NTN4: variants seen among roughly 807,000 people sequenced by gnomAD.
NTN4 encodes netrin 4.
Under a neutral mutation model 73.6 loss-of-function variants are expected in NTN4, and 32 were observed. The observed-to-expected ratio is 0.44, with a 90% CI of 0.33 to 0.58. The LOEUF (loss-of-function observed/expected upper bound fraction) is 0.58, where lower values mean the gene tolerates loss of function less well. Among genes scored for constraint, NTN4 ranks in the 20% least tolerant of loss-of-function variants. The probability of loss-of-function intolerance (pLI) is 0.04; values close to 1 mark genes in which losing one functional copy is unlikely to be tolerated. For synonymous variants in NTN4, 258 were observed against 287.5 expected, an observed-to-expected ratio of 0.90 and a Z score of 1.04; for missense variants, 654 against 798.3, an observed-to-expected ratio of 0.82 and a Z score of 2.18.
At chr12:95,769,502 T>C (rs11829779) in intron 2 of NTN4, among the ~76,000 whole-genome samples, 51,362 of 146,632 alleles carry the variant, frequency 0.35, 9,306 homozygotes, top group East Asian at 0.59. Flanking sequence ...GAATCACAGC[T>C]GATTCAGAGA....
intron 3 of NTN4, among the ~76,000 whole-genome samples, chr12:95,721,413 T>C (rs1021472618): frequency 1.3e-5 from 2 of 152,210 alleles, no homozygotes; most frequent in Admixed American, 6.5e-5. Context: ...GAATACTTTT[T>C]GATCTTCACT....
intron 4 of NTN4, among the ~76,000 whole-genome samples, chr12:95,711,086 A>G (rs569873398): frequency 1.1e-4 from 17 of 152,306 alleles, no homozygotes; most frequent in Admixed American, 7.8e-4. Flanking sequence ...AGCAATATAG[A>G]AAGGTATCCA....
At chr12:95,736,796 G>A (rs2078781139) in intron 3 of NTN4, among the ~76,000 whole-genome samples, 1 of 152,180 alleles carries the variant, frequency 6.6e-6, no homozygotes, top group Non-Finnish European at 1.5e-5. Context: ...TACTGTCCTA[G>A]TCATTTTAGT....
At chr12:95,661,292 C>A (rs2078136163) in intron 9 of NTN4, among the ~76,000 whole-genome samples, 1 of 152,098 alleles carries the variant, frequency 6.6e-6, no homozygotes, top group Non-Finnish European at 1.5e-5. Context: ...AGTTGCCCAG[C>A]TTGGGAGAGA....
In NTN4 at chr12:95,752,221, T is replaced by C. The variant is rs1023335090; in HGVS notation, c.586-14077A>G. Among the ~76,000 whole-genome samples the C allele has an allele frequency of 6.9e-3, 1,040 of 151,602 alleles. 21 individuals are homozygous for C. Among genetic ancestry groups the C allele is most frequent in the African/African-American group, 0.025 (1,013 of 41,234 alleles). ...ACTCGCCTGCTACAGCATGGCCTTTTAAAGCCTATAAACTCTCGTTACAAT... is the reference window on the plus strand; with the variant it reads ...ACTCGCCTGCTACAGCATGGCCTTTCAAAGCCTATAAACTCTCGTTACAAT... On this transcript the variant is annotated intron_variant, in intron 2 of 9. Transcript: ENST00000343702.
In NTN4 at chr12:95,710,622, C is replaced by T. The variant is rs2078558057; in HGVS notation, c.999G>A (p.Lys333=). The T allele has an allele frequency of 1.2e-6, 2 of 1,611,458 alleles. No homozygotes were observed. The highest frequency in any genetic ancestry group is 8.5e-7 in the Non-Finnish European group (1 of 1,178,468). ...GACAGGTATCAGCATGCCCATTACA[C>T]TTGCAGGCTGGAAATAAGAAGCGTG... ...TGAPNECRTC[K]CNGHADTCHF... is the part of the protein sequence containing the mutation. Residue 333 remains lysine, a synonymous_variant, in exon 5 of 10, where the codon AAG becomes AAA. Coordinates refer to ENST00000343702, the MANE Select transcript of NTN4 (RefSeq NM_021229.4).
chr12:95,765,703 T>G (rs2079016744), intron 2 of NTN4, among the ~76,000 whole-genome samples: 2 of 152,226 alleles, frequency 1.3e-5, no homozygotes, highest in African/African-American at 4.8e-5. Flanking sequence ...CCCAAAAGTC[T>G]ACTTCACTAA....
At chr12:95,774,070 T>G (rs2079075056) in intron 2 of NTN4, among the ~76,000 whole-genome samples, 1 of 152,182 alleles carries the variant, frequency 6.6e-6, no homozygotes, top group South Asian at 2.1e-4. Context: ...AAGCAGTAAC[T>G]TTATTATGCA....
intron 2 of NTN4, among the ~76,000 whole-genome samples, chr12:95,764,583 T>C (rs113877860): frequency 0.098 from 14,771 of 151,256 alleles, 1,786 homozygotes; most frequent in African/African-American, 0.29. Flanking sequence ...GAGAATTGCT[T>C]GAACCCAGGA....
intron 3 of NTN4, among the ~76,000 whole-genome samples, chr12:95,726,902 G>A (rs1467895689): frequency 2.6e-5 from 4 of 152,064 alleles, no homozygotes; most frequent in African/African-American, 4.8e-5. Flanking sequence ...CCTGGGAGGC[G>A]GGGCTTGCAG....
intron 7 of NTN4, among the ~76,000 whole-genome samples, chr12:95,680,665 T>C (rs12809574): frequency 0.22 from 33,307 of 152,226 alleles, 4,184 homozygotes; most frequent in Non-Finnish European, 0.27. Flanking sequence ...TTTTTTGAGA[T>C]GGATAAACCT....
intron 3 of NTN4, among the ~76,000 whole-genome samples, chr12:95,718,559 CT>C (rs1368022120): frequency 2.0e-5 from 3 of 152,172 alleles, no homozygotes; most frequent in East Asian, 3.9e-4. Context: ...ACCCAAAATC[CT>C]TTTTGAGCCC....
In NTN4 at chr12:95,732,232, TTCTTTCTCTG is replaced by T. The variant is rs535934786; in HGVS notation, c.864+5624_864+5633del. Reference sequence around the variant, plus strand: ...CTTTTCTCTCCCTTTCTCTCTTTCTTTCTTTCTCTGTCTTTCTTTCTTTCTCTCCTTTCTT... The same window carrying T: ...CTTTTCTCTCCCTTTCTCTCTTTCTTTCTTTCTTTCTTTCTCTCCTTTCTT... On this transcript the variant is annotated intron_variant, in intron 3 of 9. Coordinates refer to ENST00000343702, the MANE Select transcript of NTN4 (RefSeq NM_021229.4). Among the ~76,000 whole-genome samples the T allele has an allele frequency of 4.0e-4, 55 of 137,722 alleles. 1 individual carries two copies. In the South Asian group the frequency reaches 7.1e-3, roughly 18 times the overall value. 90.4% of individuals were successfully genotyped at this position (137,722 alleles called of 152,430 possible).
At chr12:95,768,548 G>A (rs1433416989) in intron 2 of NTN4, among the ~76,000 whole-genome samples, 11 of 152,016 alleles carry the variant, frequency 7.2e-5, no homozygotes, top group Non-Finnish European at 1.6e-4. Flanking sequence ...CAGGAGGCAG[G>A]GATGAGACAA....
intron 2 of NTN4, among the ~76,000 whole-genome samples, chr12:95,785,047 C>A (rs917961245): frequency 3.9e-5 from 6 of 152,132 alleles, no homozygotes; most frequent in Non-Finnish European, 7.3e-5. Flanking sequence ...AATGAGCATG[C>A]CTGCCATCTG....
At chr12:95,660,959 A>T (rs1417538840) in intron 9 of NTN4, among the ~76,000 whole-genome samples, 2 of 152,210 alleles carry the variant, frequency 1.3e-5, no homozygotes, top group Non-Finnish European at 2.9e-5. Flanking sequence ...TTATTGTATT[A>T]AAAAACAAGA....
intron 2 of NTN4, among the ~76,000 whole-genome samples, chr12:95,761,887 A>G (rs1167123283): frequency 6.6e-6 from 1 of 152,140 alleles, no homozygotes; most frequent in Non-Finnish European, 1.5e-5. Context: ...ATGCTAGTGA[A>G]CTTATCCATG....
chr12:95,674,569 T>C lies in NTN4; in HGVS notation c.1511-4423A>G, dbSNP rs116139644. Among the ~76,000 whole-genome samples, 506 of 152,292 alleles carry C rather than the reference T, an allele frequency of 3.3e-3. 1 individual carries two copies. Among genetic ancestry groups the C allele is most frequent in the African/African-American group, 0.012 (482 of 41,548 alleles). On this transcript the variant is annotated intron_variant, in intron 7 of 9. Coordinates refer to ENST00000343702, the MANE Select transcript of NTN4 (RefSeq NM_021229.4). ...GTGGTACTAGTTAAGGCCAGTTTTG[T>C]TATTTAGGAAGTGAAATTTTACATC...
intron 5 of NTN4, among the ~76,000 whole-genome samples, chr12:95,697,631 T>G (rs1293639500): frequency 1.4e-5 from 2 of 145,926 alleles, no homozygotes; most frequent in Non-Finnish European, 3.0e-5. Flanking sequence ...GGCTTTTACT[T>G]TTTTTTTTTT....
Sources: gnomAD v4.1 joint callset for allele counts (sites outside exome capture counted in the v4.1 genomes callset) on GRCh38, gnomAD v4.1.1 for gene constraint, MANE v1.5 for transcripts, NCBI Gene and HGNC (gene_info 2026-07-23, HGNC 2026-07-21) for gene names.